ROBO1: variants seen among roughly 807,000 people sequenced by gnomAD.
ROBO1 encodes roundabout guidance receptor 1, also known as roundabout homolog 1.
A neutral mutation model predicts 195.9 loss-of-function variants in ROBO1; 149 were observed. That is an observed-to-expected ratio of 0.76 (90% confidence interval 0.67 to 0.87). ROBO1 has a LOEUF of 0.87. ROBO1 is among the 40% of genes least tolerant of loss of function. ROBO1 has a pLI of 0.00. For missense variants in ROBO1, 1,933 were observed against 2,068.3 expected, an observed-to-expected ratio of 0.93 and a Z score of 1.27; for synonymous variants, 816 against 733.2, an observed-to-expected ratio of 1.11 and a Z score of -1.82.
At chr3:79,167,690 T>C (rs2081093122) in intron 2 of ROBO1, among the ~76,000 whole-genome samples, 2 of 152,226 alleles carry the variant, frequency 1.3e-5, no homozygotes, top group African/African-American at 4.8e-5. Context: ...TTACAATGAC[T>C]AGTAATCTTT....
intron 1 of ROBO1, among the ~76,000 whole-genome samples, chr3:79,642,038 T>TA (rs984641863): frequency 5.3e-5 from 8 of 151,948 alleles, no homozygotes; most frequent in African/African-American, 1.9e-4. Flanking sequence ...TTTGTTTTTT[T>TA]AAAAAAGGAA....
At position 78,661,311 on chromosome 3, in the gene ROBO1, C is replaced by A. The variant is rs764180054; in HGVS notation, c.2089-50G>T. On this transcript the variant is annotated intron_variant, in intron 15 of 30. Coordinates refer to ENST00000464233, the MANE Select transcript of ROBO1 (RefSeq NM_002941.4). ...AATTATTCATATTATTGTATTGGTT[C>A]ATCAGAAAATAATAAAAATTAAACG... 9 of 1,132,176 alleles carry A rather than the reference C, an allele frequency of 7.9e-6. No individual in the cohort carries two copies. The African/African-American group carries it at 1.3e-4, about 16-fold the overall frequency. The allele number at this position is 1,132,176 out of a possible 1,614,324, so 70.1% of individuals were successfully genotyped here. A position where few individuals can be genotyped will look rare whatever the true frequency, so the allele number is the denominator to read the frequency against.
intron 4 of ROBO1, among the ~76,000 whole-genome samples, chr3:78,849,010 T>C (rs1026987619): frequency 1.3e-5 from 2 of 152,106 alleles, no homozygotes; most frequent in African/African-American, 4.8e-5. Context: ...CAGAATGTTC[T>C]GATGGATTGG....
intron 2 of ROBO1, among the ~76,000 whole-genome samples, chr3:79,420,239 C>G (rs969885490): frequency 6.6e-6 from 1 of 152,010 alleles, no homozygotes; most frequent in Admixed American, 6.6e-5. Context: ...CATTTATATA[C>G]AGAGGAATAT....
chr3:78,941,935 T>G (rs1199689253), intron 3 of ROBO1, among the ~76,000 whole-genome samples: 4 of 152,138 alleles, frequency 2.6e-5, no homozygotes, highest in African/African-American at 9.7e-5. Context: ...GAGCTCACTA[T>G]TGGCAGCATG....
intron 2 of ROBO1, among the ~76,000 whole-genome samples, chr3:79,564,187 TGTGGAAC>T (rs1313555644): frequency 6.6e-6 from 1 of 152,054 alleles, no homozygotes; most frequent in African/African-American, 2.4e-5. Flanking sequence ...ATTATATTTT[TGTGGAAC>T]TTCTCATTTG....
intron 2 of ROBO1, among the ~76,000 whole-genome samples, chr3:79,278,646 AAGG>A (rs1290105287): frequency 1.3e-5 from 2 of 152,200 alleles, no homozygotes; most frequent in African/African-American, 4.8e-5. Context: ...TATGCAGAAG[AAGG>A]AATCTAGACT....
intron 1 of ROBO1, among the ~76,000 whole-genome samples, chr3:79,670,029 T>G (rs558702827): frequency 6.6e-6 from 1 of 151,992 alleles, no homozygotes; most frequent in South Asian, 2.1e-4. Context: ...AGGAGATATT[T>G]AAAAACTCGT....
chr3:78,967,548 G>A (rs2107885872), intron 3 of ROBO1, among the ~76,000 whole-genome samples: 1 of 152,232 alleles, frequency 6.6e-6, no homozygotes, highest in African/African-American at 2.4e-5. Flanking sequence ...AATTTAGACT[G>A]AACTTGGGAG....
intron 22 of ROBO1, among the ~76,000 whole-genome samples, chr3:78,636,870 TTC>T (rs948069881): frequency 2.7e-4 from 40 of 147,422 alleles, no homozygotes; most frequent in Admixed American, 6.8e-4. Context: ...CACTCCAGTT[TTC>T]TCTCTATTGA....
At chr3:79,082,613 G>A (rs1014998346) in intron 3 of ROBO1, among the ~76,000 whole-genome samples, 2 of 152,178 alleles carry the variant, frequency 1.3e-5, no homozygotes, top group Non-Finnish European at 2.9e-5. Context: ...ATGCTCCAGA[G>A]CCTCAAGTGT....
intron 2 of ROBO1, among the ~76,000 whole-genome samples, chr3:79,194,606 T>C (rs1168771832): frequency 6.6e-6 from 1 of 151,676 alleles, no homozygotes; most frequent in African/African-American, 2.4e-5. Context: ...GGCATATATA[T>C]AGACGTATAA....
chr3:79,086,526 T>A (rs905195460), intron 3 of ROBO1, among the ~76,000 whole-genome samples: 2 of 152,152 alleles, frequency 1.3e-5, no homozygotes, highest in African/African-American at 4.8e-5. Flanking sequence ...ACATATCACA[T>A]TATCTATAAG....
chr3:78,692,878 C>G, intron 8 of ROBO1: 1 of 153,034 alleles, frequency 6.5e-6, no homozygotes, highest in East Asian at 1.9e-4. Flanking sequence ...GTCCTAAGGG[C>G]AAGGCTATTA....
intron 3 of ROBO1, among the ~76,000 whole-genome samples, chr3:79,099,447 G>A (rs988527006): frequency 1.3e-5 from 2 of 151,756 alleles, no homozygotes; most frequent in Non-Finnish European, 2.9e-5. Context: ...AGCAAGTCAG[G>A]TCAAGCCTCA....
intron 8 of ROBO1, among the ~76,000 whole-genome samples, chr3:78,707,379 T>C (rs1019330659): frequency 6.6e-6 from 1 of 152,166 alleles, no homozygotes; most frequent in Non-Finnish European, 1.5e-5. Context: ...AACGAGAAAG[T>C]ATTATGCTCC....
At chr3:78,954,063 G>A (rs779834368) in intron 3 of ROBO1, among the ~76,000 whole-genome samples, 28 of 151,786 alleles carry the variant, frequency 1.8e-4, no homozygotes, top group Non-Finnish European at 3.7e-4. Context: ...AGTTTAAGTT[G>A]AGCATTCAAC....
chr3:79,172,105 C>A (rs1177215600), intron 2 of ROBO1, among the ~76,000 whole-genome samples: 1 of 151,994 alleles, frequency 6.6e-6, no homozygotes, highest in East Asian at 1.9e-4. Context: ...ATGATCAAAA[C>A]CTATTAAATT....
In ROBO1 at chr3:79,407,777, T is replaced by A. The variant is rs549211850; in HGVS notation, c.88+182047A>T. 4.9e-4 allele frequency among the ~76,000 whole-genome samples: 75 copies of A among 152,222 alleles called. 2 individuals are homozygous for A. In the South Asian group the frequency reaches 0.015, roughly 30 times the overall value. ...TTACAATCTCTGATTTATTGTTAAATTATTATATACTTTAAAAATTGAGGA... is the reference window on the plus strand; with the variant it reads ...TTACAATCTCTGATTTATTGTTAAAATATTATATACTTTAAAAATTGAGGA... On this transcript the variant is annotated intron_variant, in intron 2 of 30. Coordinates refer to ENST00000464233, the MANE Select transcript of ROBO1 (RefSeq NM_002941.4).
Sources: gnomAD v4.1 joint callset for allele counts (sites outside exome capture counted in the v4.1 genomes callset) on GRCh38, gnomAD v4.1.1 for gene constraint, MANE v1.5 for transcripts, NCBI Gene and HGNC (gene_info 2026-07-23, HGNC 2026-07-21) for gene names.